The following DLG2 variants were observed in gnomAD, a reference collection of about 807,000 sequenced individuals.
The protein encoded by DLG2 is disks large homolog 2.
Under a neutral mutation model 132.5 loss-of-function variants are expected in DLG2, and 45 were observed. The ratio of observed to expected loss-of-function variants is 0.34; its 90% CI spans 0.27 to 0.44. The LOEUF is 0.44. DLG2 is among the 20% of genes least tolerant of loss of function. The pLI is 1.00. For missense variants in DLG2, 1,045 were observed against 1,196.9 expected (o/e 0.87, Z 1.87); for synonymous variants, 424 against 419.6 (o/e 1.01, Z -0.13).
intron 19 of DLG2, among the ~76,000 whole-genome samples, chr11:83,561,800 A>G (rs984935295): frequency 5.9e-5 from 9 of 152,200 alleles, no homozygotes; most frequent in African/African-American, 1.9e-4. Flanking sequence ...TGAATTACTA[A>G]TAAGTACCAG....
At chr11:85,384,956 A>G (rs2086204581) in intron 3 of DLG2, among the ~76,000 whole-genome samples, 2 of 152,362 alleles carry the variant, frequency 1.3e-5, no homozygotes, top group East Asian at 1.9e-4. Flanking sequence ...TCAGGATTAA[A>G]TGAGAAAAAA....
intron 9 of DLG2, among the ~76,000 whole-genome samples, chr11:84,105,917 T>C (rs2092874955): frequency 6.6e-6 from 1 of 152,130 alleles, no homozygotes; most frequent in South Asian, 2.1e-4. Context: ...ATTTGTTTAT[T>C]TTAATTTAAT....
At chr11:84,779,851 T>A (rs1322490293) in intron 6 of DLG2, among the ~76,000 whole-genome samples, 1 of 150,458 alleles carries the variant, frequency 6.6e-6, no homozygotes, top group Non-Finnish European at 1.5e-5. Flanking sequence ...TCTGAACAGA[T>A]CAATAATAAG....
chr11:84,775,737 T>C (rs2070355982), intron 6 of DLG2, among the ~76,000 whole-genome samples: 1 of 152,108 alleles, frequency 6.6e-6, no homozygotes, highest in Admixed American at 6.6e-5. Context: ...CACTGGGTAC[T>C]ACTGGAGGGG....
intron 6 of DLG2, among the ~76,000 whole-genome samples, chr11:85,028,381 C>T (rs890411968): frequency 1.4e-4 from 22 of 152,186 alleles, no homozygotes; most frequent in African/African-American, 5.1e-4. Flanking sequence ...GCCTGGCCCC[C>T]ATGCTTCAGG....
intron 15 of DLG2, among the ~76,000 whole-genome samples, chr11:83,896,971 T>C (rs926163540): frequency 6.6e-6 from 1 of 152,214 alleles, no homozygotes; most frequent in East Asian, 1.9e-4. Context: ...TCTAAATTTC[T>C]AGGTTGTTTA....
rs112241955 is a variant in DLG2 at position 84,992,430 on chromosome 11, G to T, written c.357+119231C>A. Among the ~76,000 whole-genome samples the T allele has an allele frequency of 3.5e-3, 540 of 152,232 alleles. 5 individuals are homozygous for T. Among genetic ancestry groups the T allele is most frequent in the African/African-American group, 0.012 (500 of 41,532 alleles). ...AAATATATCAGTAAAATAAGAAGTT[G>T]TTATGCTTAAAGAAGATACTTAATT... On this transcript the variant is annotated intron_variant, in intron 6 of 27. Coordinates refer to ENST00000376104, the MANE Select transcript of DLG2 (RefSeq NM_001142699.3).
At chr11:84,591,332 T>C (rs911891529) in intron 6 of DLG2, among the ~76,000 whole-genome samples, 9 of 151,216 alleles carry the variant, frequency 6.0e-5, no homozygotes, top group Non-Finnish European at 8.8e-5. Flanking sequence ...TTTTTTGTTT[T>C]GTTTGTTTGT....
intron 21 of DLG2, among the ~76,000 whole-genome samples, chr11:83,518,212 T>A (rs1375200734): frequency 6.6e-6 from 1 of 152,204 alleles, no homozygotes; most frequent in Non-Finnish European, 1.5e-5. Context: ...ACTCAAGCCT[T>A]GGCAATGGCG....
rs7944406 is a variant in DLG2 at position 84,320,923 on chromosome 11, T to C, written c.520-69632A>G. Among the ~76,000 whole-genome samples, 162 of 152,312 alleles carry C rather than the reference T, an allele frequency of 1.1e-3. 1 individual carries two copies. The highest frequency in any genetic ancestry group is 0.01 in the Middle Eastern group (3 of 294). ...TTCAGGAAATGTAAATGTATTATAT[T>C]CTAAGGTACTTAGTATCACAAATAC... is the stretch of plus-strand genomic sequence containing the variant. On this transcript the variant is annotated intron_variant, in intron 7 of 27. Coordinates refer to ENST00000376104, the MANE Select transcript of DLG2 (RefSeq NM_001142699.3).
At chr11:85,144,349 CT>C (rs35874789) in intron 5 of DLG2, among the ~76,000 whole-genome samples, 62,483 of 137,882 alleles carry the variant, frequency 0.45, 13,561 homozygotes, top group Middle Eastern at 0.53. Flanking sequence ...ATAATTGGGT[CT>C]TTTTTTTTTT....
intron 9 of DLG2, among the ~76,000 whole-genome samples, chr11:84,116,929 C>T (rs1043210115): frequency 1.3e-5 from 2 of 152,184 alleles, no homozygotes; most frequent in African/African-American, 4.8e-5. Context: ...TTGCACTTTG[C>T]TTTCCAACGC....
intron 3 of DLG2, among the ~76,000 whole-genome samples, chr11:85,319,051 T>G (rs1034607227): frequency 6.6e-6 from 1 of 151,900 alleles, no homozygotes; most frequent in African/African-American, 2.4e-5. Flanking sequence ...GCATTTAAAT[T>G]TTTAAATAAA....
At chr11:84,679,773 G>A (rs2099724057) in intron 6 of DLG2, among the ~76,000 whole-genome samples, 1 of 152,126 alleles carries the variant, frequency 6.6e-6, no homozygotes, top group Non-Finnish European at 1.5e-5. Flanking sequence ...CTGAGATGCA[G>A]TTATAAATAT....
chr11:84,765,520 A>G (rs2068282715), intron 6 of DLG2, among the ~76,000 whole-genome samples: 1 of 152,086 alleles, frequency 6.6e-6, no homozygotes, highest in African/African-American at 2.4e-5. Flanking sequence ...AAATTGGACA[A>G]ACTACTGAAA....
chr11:84,219,387 A>G (rs957260272), intron 8 of DLG2, among the ~76,000 whole-genome samples: 2 of 152,246 alleles, frequency 1.3e-5, no homozygotes, highest in African/African-American at 4.8e-5. Flanking sequence ...GAAGAGACCT[A>G]TCTTTAAATA....
At chr11:84,440,261 A>C (rs2099013487) in intron 7 of DLG2, among the ~76,000 whole-genome samples, 1 of 152,254 alleles carries the variant, frequency 6.6e-6, no homozygotes, top group African/African-American at 2.4e-5. Context: ...AACACAGTGC[A>C]GTTAGGACTC....
At chr11:84,764,728 A>T (rs2068153934) in intron 6 of DLG2, among the ~76,000 whole-genome samples, 1 of 152,120 alleles carries the variant, frequency 6.6e-6, no homozygotes, top group Non-Finnish European at 1.5e-5. Context: ...ATGGGTATTC[A>T]TTAATTTATT....
At chr11:84,695,189 G>A (rs2058493210) in intron 6 of DLG2, among the ~76,000 whole-genome samples, 1 of 151,560 alleles carries the variant, frequency 6.6e-6, no homozygotes, top group Admixed American at 6.6e-5. Context: ...CAGTTCTGCA[G>A]AATAGGCCTA....
Sources: gnomAD v4.1 joint callset for allele counts (sites outside exome capture counted in the v4.1 genomes callset) on GRCh38, gnomAD v4.1.1 for gene constraint, MANE v1.5 for transcripts, NCBI Gene and HGNC (gene_info 2026-07-23, HGNC 2026-07-21) for gene names.